The following SCFD2 variants were observed in gnomAD, a reference collection of about 807,000 sequenced individuals.
SCFD2 encodes the protein sec1 family domain-containing protein 2.
A neutral mutation model predicts 58.9 loss-of-function variants in SCFD2; 54 were observed. That is an observed-to-expected ratio of 0.92 (90% CI 0.74 to 1.15). The LOEUF (loss-of-function observed/expected upper bound fraction) is 1.15, where lower values mean the gene tolerates loss of function less well. Ranked by LOEUF, SCFD2 falls within the 50% of genes most tolerant of loss-of-function variation. SCFD2 has a pLI of 0.00. For synonymous variants in SCFD2, 321 were observed against 335.9 expected (o/e 0.96, Z 0.49); for missense variants, 805 against 836.6 (o/e 0.96, Z 0.47).
At chr4:52,912,036 C>A (rs1445042924) in intron 6 of SCFD2, among the ~76,000 whole-genome samples, 1 of 152,086 alleles carries the variant, frequency 6.6e-6, no homozygotes, top group Non-Finnish European at 1.5e-5. Flanking sequence ...TAATAAATTA[C>A]CTTTCTTTTT....
chr4:52,920,895 T>C (rs760464441), intron 5 of SCFD2, 25 bp from the exon 6 acceptor site: 5 of 1,551,660 alleles, frequency 3.2e-6, no homozygotes, highest in South Asian at 1.2e-5. Context: ...AGATATTTTC[T>C]TGAGTGAGTA....
intron 4 of SCFD2, among the ~76,000 whole-genome samples, chr4:53,229,076 C>A (rs1341486623): frequency 1.3e-5 from 2 of 152,068 alleles, no homozygotes; most frequent in Non-Finnish European, 2.9e-5. Context: ...ATGTGAAGGA[C>A]CTCTTCAAGG....
chr4:53,327,302 T>A (rs1733234325), intron 2 of SCFD2, among the ~76,000 whole-genome samples: 1 of 151,952 alleles, frequency 6.6e-6, no homozygotes, highest in Non-Finnish European at 1.5e-5. Context: ...CCACATGGGA[T>A]GGAGGGTGGC....
chr4:52,941,080 T>C (rs1720280760), intron 5 of SCFD2, among the ~76,000 whole-genome samples: 1 of 142,492 alleles, frequency 7.0e-6, no homozygotes, highest in African/African-American at 3.1e-5. Context: ...CCATGCTAAA[T>C]CCTGGCATTT....
chr4:53,038,991 A>G (rs985115300), intron 5 of SCFD2, among the ~76,000 whole-genome samples: 15 of 152,270 alleles, frequency 9.9e-5, no homozygotes, highest in Non-Finnish European at 1.3e-4. Flanking sequence ...TGCCTAGCCT[A>G]AAGTATTTTA....
chr4:53,095,333 A>G (rs1577722080), intron 5 of SCFD2, among the ~76,000 whole-genome samples: 2 of 152,138 alleles, frequency 1.3e-5, no homozygotes, highest in East Asian at 3.9e-4. Context: ...TAGCTGCTCA[A>G]GTCAAGTAAT....
At position 53,141,781 on chromosome 4, in the gene SCFD2, C is replaced by T. The variant is rs1726173349; in HGVS notation, c.1561+3552G>A. On this transcript the variant is annotated intron_variant, in intron 5 of 8. Transcript: ENST00000401642. ...ATTCTGGGGATCAGTGATGTAAGTT[C>T]TGGAGTCTAAAGTCCAGCAAGCCTG... 2.6e-5 allele frequency among the ~76,000 whole-genome samples: 4 copies of T among 152,280 alleles called. No homozygotes were observed. The South Asian group carries it at 6.2e-4, about 24-fold the overall frequency.
chr4:53,025,711 C>T (rs1722459833), intron 5 of SCFD2, among the ~76,000 whole-genome samples: 1 of 152,178 alleles, frequency 6.6e-6, no homozygotes, highest in African/African-American at 2.4e-5. Context: ...GCGGGAAAAA[C>T]TACCACATTG....
intron 5 of SCFD2, among the ~76,000 whole-genome samples, chr4:52,998,620 T>A (rs753120189): frequency 2.0e-5 from 3 of 152,178 alleles, no homozygotes; most frequent in Non-Finnish European, 4.4e-5. Flanking sequence ...GAGCCACACT[T>A]CTTTGTAGTC....
intron 5 of SCFD2, among the ~76,000 whole-genome samples, chr4:52,980,842 A>G (rs1721360502): frequency 6.6e-6 from 1 of 152,092 alleles, no homozygotes; most frequent in South Asian, 2.1e-4. Flanking sequence ...CTATTACTTC[A>G]CCAGGTTTCT....
intron 5 of SCFD2, among the ~76,000 whole-genome samples, chr4:52,960,384 TTG>T (rs1302733249): frequency 4.6e-5 from 7 of 151,280 alleles, no homozygotes; most frequent in African/African-American, 1.7e-4. Context: ...TTTTTTTTTT[TTG>T]AGACAGAGTT....
At chr4:53,049,519 G>C (rs890298581) in intron 5 of SCFD2, among the ~76,000 whole-genome samples, 3 of 152,276 alleles carry the variant, frequency 2.0e-5, no homozygotes, top group Non-Finnish European at 4.4e-5. Flanking sequence ...AGCTTACATA[G>C]CCGAAGTAGG....
At chr4:53,340,809 C>T (rs550302993) in intron 2 of SCFD2, among the ~76,000 whole-genome samples, 8 of 152,330 alleles carry the variant, frequency 5.3e-5, no homozygotes, top group South Asian at 2.1e-4. Context: ...CTGCAATATT[C>T]GCTGTTATGC....
chr4:53,008,643 GT>G (rs1218607523), intron 5 of SCFD2, among the ~76,000 whole-genome samples: 1 of 152,092 alleles, frequency 6.6e-6, no homozygotes, highest in Non-Finnish European at 1.5e-5. Context: ...GAATGGAGAG[GT>G]GCATGTATAA....
intron 5 of SCFD2, among the ~76,000 whole-genome samples, chr4:52,973,654 C>A (rs1377197277): frequency 6.6e-6 from 1 of 152,206 alleles, no homozygotes; most frequent in African/African-American, 2.4e-5. Context: ...AGGGAATCCT[C>A]CCTCACTCAT....
intron 5 of SCFD2, among the ~76,000 whole-genome samples, chr4:52,974,481 C>T (rs1721198018): frequency 6.6e-6 from 1 of 152,148 alleles, no homozygotes; most frequent in Admixed American, 6.5e-5. Context: ...AGGACCTCTT[C>T]AAGGAGAACT....
intron 5 of SCFD2, among the ~76,000 whole-genome samples, chr4:52,994,894 A>T (rs946894687): frequency 5.9e-5 from 9 of 152,186 alleles, no homozygotes; most frequent in Non-Finnish European, 8.8e-5. Context: ...TACTATGTTA[A>T]TGATAGCAAC....
chr4:53,095,624 C>T (rs1724600442), intron 5 of SCFD2, among the ~76,000 whole-genome samples: 1 of 152,126 alleles, frequency 6.6e-6, no homozygotes, highest in Non-Finnish European at 1.5e-5. Flanking sequence ...CTGCTGAACA[C>T]ACTCCAACAG....
At chr4:53,247,476 C>T (rs2149032553) in intron 4 of SCFD2, among the ~76,000 whole-genome samples, 1 of 152,262 alleles carries the variant, frequency 6.6e-6, no homozygotes, top group Middle Eastern at 3.4e-3. Flanking sequence ...ATAGCAAAGA[C>T]ATGGAATCAA....
Sources: gnomAD v4.1 joint callset for allele counts (sites outside exome capture counted in the v4.1 genomes callset) on GRCh38, gnomAD v4.1.1 for gene constraint, MANE v1.5 for transcripts, NCBI Gene and HGNC (gene_info 2026-07-23, HGNC 2026-07-21) for gene names.